Variants in TFEC observed in about 807,000 individuals in gnomAD.
TFEC encodes the protein transcription factor EC.
In TFEC, 31 loss-of-function variants were observed where a neutral mutation model predicts 41.6. The ratio of observed to expected loss-of-function variants is 0.74; its 90% CI spans 0.56 to 1.01. TFEC has a LOEUF of 1.01. Among genes scored for constraint, TFEC ranks in the 50% least tolerant of loss-of-function variants. The pLI is 0.00. For missense variants in TFEC, 402 were observed against 404.1 expected (o/e 0.99, Z 0.04); for synonymous variants, 143 against 140.6 (o/e 1.02, Z -0.12).
intron 1 of TFEC, among the ~76,000 whole-genome samples, chr7:115,989,780 G>C (rs1208484598): frequency 6.6e-6 from 1 of 152,192 alleles, no homozygotes; most frequent in South Asian, 2.1e-4. Context: ...GCCTGCCTCT[G>C]TAGACTCCAC....
At chr7:116,105,598 G>C (rs1289586199) in intron 3 of TFEC, among the ~76,000 whole-genome samples, 1 of 152,140 alleles carries the variant, frequency 6.6e-6, no homozygotes, top group Non-Finnish European at 1.5e-5. Context: ...CGCTGATGTT[G>C]ATGCTGCTAG....
At chr7:116,056,638 C>G (rs546940567) in intron 3 of TFEC, among the ~76,000 whole-genome samples, 1 of 152,084 alleles carries the variant, frequency 6.6e-6, no homozygotes, top group Admixed American at 6.6e-5. Flanking sequence ...AAGCATTGCT[C>G]TGGTCCTATC....
At chr7:116,044,608 C>T (rs975254307) in intron 3 of TFEC, among the ~76,000 whole-genome samples, 6 of 152,192 alleles carry the variant, frequency 3.9e-5, no homozygotes, top group African/African-American at 1.4e-4. Context: ...TTTTTGACAA[C>T]TACTTGGGAA....
rs920521455 is a variant in TFEC, at chr7:115,937,202, A to C, written c.*3349T>G. 6 of 151,722 alleles carry C rather than the reference A, an allele frequency of 4.0e-5. No homozygotes were observed. The highest frequency in any genetic ancestry group is 3.9e-4 in the Admixed American group (6 of 15,206). The allele number at this position is 151,722 out of a possible 1,614,324, so 9.4% of individuals were successfully genotyped here. A position where few individuals can be genotyped will look rare whatever the true frequency, so the allele number is the denominator to read the frequency against. On this transcript the variant is annotated 3_prime_UTR_variant, in exon 8 of 8. Transcript: ENST00000265440. ...ATAAAATTATTGTATCTTACTTTAA[A>C]GGAAGTTTTATTATAATTGTAATTA...
At chr7:116,083,425 T>C (rs1173312905) in intron 3 of TFEC, among the ~76,000 whole-genome samples, 1 of 151,932 alleles carries the variant, frequency 6.6e-6, no homozygotes, top group East Asian at 1.9e-4. Context: ...TTCAGAACAC[T>C]TATCTTAGAA....
chr7:116,141,386 G>T (rs1210889769), intron 1 of TFEC, among the ~76,000 whole-genome samples: 3 of 152,038 alleles, frequency 2.0e-5, no homozygotes, highest in Non-Finnish European at 4.4e-5. Context: ...AGTGAAAAAA[G>T]TTTCTGTTAC....
intron 3 of TFEC, among the ~76,000 whole-genome samples, chr7:116,094,288 A>G: frequency 6.6e-6 from 1 of 152,214 alleles, no homozygotes; most frequent in Middle Eastern, 3.2e-3. Context: ...TAATGTGATT[A>G]CTTTTTTCTC....
intron 2 of TFEC, among the ~76,000 whole-genome samples, chr7:115,982,167 T>C (rs558710270): frequency 6.6e-6 from 1 of 151,490 alleles, no homozygotes; most frequent in African/African-American, 2.4e-5. Flanking sequence ...TTTGAATTGA[T>C]GAAATGCTCC....
chr7:115,946,974 G>A (rs1241799610), intron 6 of TFEC, among the ~76,000 whole-genome samples: 3 of 150,926 alleles, frequency 2.0e-5, no homozygotes, highest in Non-Finnish European at 3.0e-5. Flanking sequence ...CAATGTGCAG[G>A]TTAGTTACAT....
rs1244977631 is a variant in TFEC at position 115,935,753 on chromosome 7, G to C, written c.*4798C>G. On this transcript the variant is annotated 3_prime_UTR_variant, in exon 8 of 8. Transcript: ENST00000265440. ...AAACAGTAGTGCAGGGATAAAAGAGGTAGTATTACAAACACAAAAGTCTTT... is the reference window on the plus strand; with the variant it reads ...AAACAGTAGTGCAGGGATAAAAGAGCTAGTATTACAAACACAAAAGTCTTT... The C allele has an allele frequency of 6.6e-6, 1 of 151,492 alleles. No individual in the cohort carries two copies. The highest frequency in any genetic ancestry group is 2.4e-5 in the African/African-American group (1 of 41,374). 9.4% of individuals were successfully genotyped at this position (151,492 alleles called of 1,614,324 possible). A position where few individuals can be genotyped will look rare whatever the true frequency, so the allele number is the denominator to read the frequency against.
intron 1 of TFEC, among the ~76,000 whole-genome samples, chr7:116,018,310 G>T (rs1795269244): frequency 6.6e-6 from 1 of 152,180 alleles, no homozygotes; most frequent in Non-Finnish European, 1.5e-5. Flanking sequence ...CTGCTTTAAA[G>T]ATTTCAGAAT....
intron 3 of TFEC, among the ~76,000 whole-genome samples, chr7:115,968,710 A>T (rs1792988679): frequency 6.6e-6 from 1 of 151,820 alleles, no homozygotes; most frequent in South Asian, 2.1e-4. Context: ...AAATCATAGG[A>T]TTCTATAGTT....
At position 115,953,634 on chromosome 7, in the gene TFEC, G is replaced by A. The variant is rs117841518; in HGVS notation, c.439+952C>T. On this transcript the variant is annotated intron_variant, in intron 5 of 7. Transcript: ENST00000265440. ...TACTAATCCCTTCTCTCAACCATTA[G>A]CTCTCCCCACTCATAATCTGGACCA... is the stretch of plus-strand genomic sequence containing the variant. 8.4e-3 allele frequency among the ~76,000 whole-genome samples: 1,272 copies of A among 152,048 alleles called. 5 individuals are homozygous for A. Among genetic ancestry groups the A allele is most frequent in the Non-Finnish European group, 0.013 (858 of 67,958 alleles).
chr7:116,066,905 A>G (rs1156906915), intron 3 of TFEC, among the ~76,000 whole-genome samples: 2 of 152,114 alleles, frequency 1.3e-5, no homozygotes, highest in Non-Finnish European at 2.9e-5. Context: ...CAGTTTATGT[A>G]GAGGCCATAA....
chr7:115,977,380 T>G (rs1329835791), intron 2 of TFEC, among the ~76,000 whole-genome samples: 2 of 152,026 alleles, frequency 1.3e-5, no homozygotes, highest in Non-Finnish European at 2.9e-5. Context: ...TTTTCAGATA[T>G]GTGAAAATAA....
intron 1 of TFEC, among the ~76,000 whole-genome samples, chr7:116,145,028 T>C (rs987727906): frequency 1.3e-5 from 2 of 152,182 alleles, no homozygotes; most frequent in Non-Finnish European, 2.9e-5. Flanking sequence ...AAAAATGTAA[T>C]CCTAGCCAAC....
chr7:116,070,997 T>C (rs1796813936), intron 3 of TFEC, among the ~76,000 whole-genome samples: 1 of 151,338 alleles, frequency 6.6e-6, no homozygotes, highest in African/African-American at 2.4e-5. Context: ...CACTAACTTA[T>C]AACCATCTGT....
At chr7:116,014,086 T>A (rs1795102367) in intron 1 of TFEC, among the ~76,000 whole-genome samples, 1 of 152,238 alleles carries the variant, frequency 6.6e-6, no homozygotes, top group South Asian at 2.1e-4. Context: ...AATTTTAGTT[T>A]CTTGAGATCA....
rs1009631818 is a variant in TFEC at position 115,954,752 on chromosome 7, C to T, written c.383-110G>A. The T allele has an allele frequency of 4.8e-5, 37 of 775,680 alleles. 1 individual carries two copies. The highest frequency in any genetic ancestry group is 3.3e-4 in the Middle Eastern group (1 of 3,060). The allele number at this position is 775,680 out of a possible 1,614,324, so 48.0% of individuals were successfully genotyped here. The stretch of plus-strand genomic sequence containing the variant: ...AAATAAAATATTATTTGCTCCAAAA[C>T]GGTACAATAATATTTTTGATGCAAA... On this transcript the variant is annotated intron_variant, in intron 4 of 7. Transcript: ENST00000265440.
Sources: gnomAD v4.1 joint callset for allele counts (sites outside exome capture counted in the v4.1 genomes callset) on GRCh38, gnomAD v4.1.1 for gene constraint, MANE v1.5 for transcripts, NCBI Gene and HGNC (gene_info 2026-07-23, HGNC 2026-07-21) for gene names.